Variants in CUX2 observed in about 807,000 individuals in gnomAD.
The protein encoded by CUX2 is cut like homeobox 2, also known as homeobox protein cut-like 2.
CUX2 carries 40 observed loss-of-function variants against 144.8 expected under a neutral mutation model. That is an observed-to-expected ratio of 0.28 (90% confidence interval 0.21 to 0.36). The LOEUF (loss-of-function observed/expected upper bound fraction) is 0.36, where lower values mean the gene tolerates loss of function less well. CUX2 is among the 10% of genes least tolerant of loss of function. CUX2 has a pLI of 1.00. For synonymous variants in CUX2, 827 were observed against 875.6 expected (o/e 0.94, Z 0.98); for missense variants, 1,615 against 1,994.0 (o/e 0.81, Z 3.62).
Position 111,255,749 on chromosome 12 carries a change from G to C in CUX2, c.223-8012G>C, listed in dbSNP as rs1883783632. Among the ~76,000 whole-genome samples the C allele has an allele frequency of 6.6e-6, 1 of 152,218 alleles. No homozygotes were observed. The highest frequency in any genetic ancestry group is 1.5e-5 in the Non-Finnish European group (1 of 68,036). Reference sequence around the variant, plus strand: ...CATCCAGTACATAGCACAGTGCCTGGCACAGAGTCAGTGCTCAGTAGTCAC... The same window carrying C: ...CATCCAGTACATAGCACAGTGCCTGCCACAGAGTCAGTGCTCAGTAGTCAC... On this transcript the variant is annotated intron_variant, in intron 3 of 21. Transcript: ENST00000261726. The surrounding 1 kb of genome is among the most constrained non-coding windows in gnomAD (Gnocchi z 4.1).
intron 1 of CUX2, among the ~76,000 whole-genome samples, chr12:111,157,702 G>A (rs1456697861): frequency 1.3e-5 from 2 of 152,212 alleles, no homozygotes; most frequent in Admixed American, 6.5e-5. Context: ...CCATGGACAC[G>A]GGAGGTGGCA....
At chr12:111,133,422 G>A (rs1875635971) in intron 1 of CUX2, among the ~76,000 whole-genome samples, 1 of 152,146 alleles carries the variant, frequency 6.6e-6, no homozygotes, top group Admixed American at 6.5e-5. Flanking sequence ...GAGGCAAAAG[G>A]CACTTCTTAC....
At chr12:111,084,513 G>C (rs1872086525) in intron 1 of CUX2, among the ~76,000 whole-genome samples, 2 of 143,586 alleles carry the variant, frequency 1.4e-5, no homozygotes, top group African/African-American at 5.2e-5. Flanking sequence ...TTTTTCCCTA[G>C]AACAAGCCAC....
chr12:111,098,081 T>C (rs1457562263), intron 1 of CUX2, among the ~76,000 whole-genome samples: 1 of 152,004 alleles, frequency 6.6e-6, no homozygotes, highest in Non-Finnish European at 1.5e-5. Flanking sequence ...CAGGCCACCA[T>C]GGAGAGGAGG....
At chr12:111,284,585 C>G (rs908079206) in intron 4 of CUX2, among the ~76,000 whole-genome samples, 2 of 152,184 alleles carry the variant, frequency 1.3e-5, no homozygotes, top group African/African-American at 2.4e-5. Flanking sequence ...TTGGTAGATG[C>G]AGTTAGTGTC....
chr12:111,035,355 G>A lies in CUX2; in HGVS notation c.63+1115G>A, dbSNP rs7133580. Reference sequence around the variant, plus strand: ...TTTGGAGGTGTTCTCTGCGGACCCCGTAGGAGCCGGGGCTGGGAGGTGGAA... The same window carrying A: ...TTTGGAGGTGTTCTCTGCGGACCCCATAGGAGCCGGGGCTGGGAGGTGGAA... On this transcript the variant is annotated intron_variant, in intron 1 of 21. Coordinates refer to ENST00000261726, the MANE Select transcript of CUX2 (RefSeq NM_015267.4). The surrounding 1 kb of genome is among the most constrained non-coding windows in gnomAD (Gnocchi z 6.0). Among the ~76,000 whole-genome samples the A allele has an allele frequency of 6.6e-6, 1 of 152,082 alleles. No homozygotes were observed. Among genetic ancestry groups the A allele is most frequent in the Non-Finnish European group, 1.5e-5 (1 of 68,024 alleles).
chr12:111,331,810 A>C (rs1423639992), intron 18 of CUX2, among the ~76,000 whole-genome samples: 1 of 152,108 alleles, frequency 6.6e-6, no homozygotes, highest in Non-Finnish European at 1.5e-5. Flanking sequence ...CCGGCATGGT[A>C]GTTCAAGCCT....
chr12:111,286,382 C>A (rs1016996977), intron 4 of CUX2, among the ~76,000 whole-genome samples: 5 of 152,190 alleles, frequency 3.3e-5, no homozygotes, highest in Non-Finnish European at 7.3e-5. Context: ...TAAGAGCTGA[C>A]ACCCGATCCC....
At chr12:111,330,723 A>ACG (rs1888073900) in intron 18 of CUX2, among the ~76,000 whole-genome samples, 1 of 57,500 alleles carries the variant, frequency 1.7e-5, no homozygotes, top group African/African-American at 8.2e-5. Flanking sequence ...ATATATATAT[A>ACG]TATATATATA....
intron 18 of CUX2, 97 bp from the exon 19 acceptor site, chr12:111,334,344 G>A (rs1169418083): frequency 7.3e-7 from 1 of 1,363,516 alleles, no homozygotes; most frequent in Non-Finnish European, 9.9e-7. Flanking sequence ...CAAAATGGGT[G>A]TTTGGCAACT....
chr12:111,334,441 C>G lies in CUX2; in HGVS notation c.2927C>G (p.Ala976Gly), dbSNP rs750669076. 2 of 1,583,546 alleles carry G rather than the reference C, an allele frequency of 1.3e-6. No individual in the cohort carries two copies. Among genetic ancestry groups the G allele is most frequent in the Non-Finnish European group, 1.7e-6 (2 of 1,165,180 alleles). Residue 976 changes from alanine to glycine, a missense_variant and splice_region_variant, in exon 19 of 22, where the codon GCC becomes GGC. Physicochemically the swap from Ala to Gly is moderately conservative, Grantham distance 60. Coordinates refer to ENST00000261726, the MANE Select transcript of CUX2 (RefSeq NM_015267.4). ...AVGQQPGASQ[A>G]SPTEPRSSPS... is the part of the protein sequence containing the mutation. ...CCTTCTCTTTCTCTGTGGCCCACAG[C>G]CAGTCCCACAGAACCAAGGTCCTCA...
chr12:111,216,873 C>T (rs1321612106), intron 2 of CUX2, among the ~76,000 whole-genome samples: 1 of 152,150 alleles, frequency 6.6e-6, no homozygotes, highest in Non-Finnish European at 1.5e-5. Flanking sequence ...GGGGTTTATT[C>T]TTTACCTGCC....
intron 4 of CUX2, among the ~76,000 whole-genome samples, chr12:111,283,586 T>G (rs902051651): frequency 2.0e-5 from 3 of 152,162 alleles, no homozygotes; most frequent in African/African-American, 7.2e-5. Context: ...GTTATCTCCC[T>G]TTTACTAATG....
chr12:111,250,354 T>G (rs574434093), intron 3 of CUX2, among the ~76,000 whole-genome samples: 2 of 152,212 alleles, frequency 1.3e-5, no homozygotes, highest in East Asian at 3.9e-4. Flanking sequence ...ATTCACACCC[T>G]GCCTTGGCCC....
intron 1 of CUX2, among the ~76,000 whole-genome samples, chr12:111,073,522 G>A (rs1179045033): frequency 6.6e-6 from 1 of 151,968 alleles, no homozygotes; most frequent in East Asian, 1.9e-4. Context: ...ATAAATAAGG[G>A]TTTCTCAGTC....
intron 1 of CUX2, among the ~76,000 whole-genome samples, chr12:111,182,217 C>G (rs1338532356): frequency 6.6e-6 from 1 of 152,168 alleles, no homozygotes; most frequent in South Asian, 2.1e-4. Flanking sequence ...GACATGCCCC[C>G]ATCCTAGGGC....
chr12:111,122,823 C>T (rs1348743539), intron 1 of CUX2, among the ~76,000 whole-genome samples: 1 of 152,184 alleles, frequency 6.6e-6, no homozygotes, highest in African/African-American at 2.4e-5. Context: ...ATGCAGTGAA[C>T]TTCAAATGGG....
chr12:111,345,720 A>G (rs1888771740), intron 21 of CUX2, among the ~76,000 whole-genome samples: 2 of 148,288 alleles, frequency 1.3e-5, no homozygotes, highest in South Asian at 4.3e-4. Context: ...TGGGTGACAG[A>G]GCGAGACTCC....
intron 1 of CUX2, among the ~76,000 whole-genome samples, chr12:111,088,972 A>G (rs1254279192): frequency 6.6e-6 from 1 of 152,070 alleles, no homozygotes; most frequent in Admixed American, 6.5e-5. Flanking sequence ...CTCAGGAGTT[A>G]CGACCCCCTC....
Sources: allele counts gnomAD v4.1 joint callset (sites outside exome capture counted in the v4.1 genomes callset), GRCh38; gene constraint gnomAD v4.1.1; non-coding constraint Gnocchi (gnomAD v3.1); transcripts MANE v1.5; gene names NCBI Gene and HGNC (gene_info 2026-07-23, HGNC 2026-07-21).